DGKB: variants seen among roughly 807,000 people sequenced by gnomAD.
DGKB encodes the protein diacylglycerol kinase beta, also known as 90 kDa diacylglycerol kinase.
Under a neutral mutation model 114.3 loss-of-function variants are expected in DGKB, and 67 were observed. That is an observed-to-expected ratio of 0.59 (90% CI 0.48 to 0.72). DGKB has a LOEUF of 0.72. Ranked by LOEUF, DGKB falls within the 30% of genes least tolerant of loss-of-function variation. The pLI is 0.00. For missense variants in DGKB, 907 were observed against 975.2 expected, an observed-to-expected ratio of 0.93 and a Z score of 0.93; for synonymous variants, 398 against 323.1, an observed-to-expected ratio of 1.23 and a Z score of -2.49.
At chr7:14,553,237 T>C (rs979669252) in intron 20 of DGKB, among the ~76,000 whole-genome samples, 1 of 152,244 alleles carries the variant, frequency 6.6e-6, no homozygotes, top group Non-Finnish European at 1.5e-5. Context: ...CACTTTCCTT[T>C]ATAGTACCCT....
intron 23 of DGKB, among the ~76,000 whole-genome samples, chr7:14,323,204 T>C (rs1486476999): frequency 1.3e-5 from 2 of 152,168 alleles, no homozygotes; most frequent in Non-Finnish European, 2.9e-5. Context: ...AATCAATATA[T>C]GCCATATAAT....
At chr7:14,183,827 T>A (rs1474321012) in intron 23 of DGKB, among the ~76,000 whole-genome samples, 1 of 152,156 alleles carries the variant, frequency 6.6e-6, no homozygotes, top group Non-Finnish European at 1.5e-5. Context: ...AGATTGCAGC[T>A]CCAGACAGAG....
chr7:14,855,476 C>T (rs1381374222), intron 1 of DGKB, among the ~76,000 whole-genome samples: 2 of 152,046 alleles, frequency 1.3e-5, no homozygotes, highest in African/African-American at 4.8e-5. Flanking sequence ...TTTGCATTGA[C>T]CAACAGACAT....
chr7:14,495,803 A>C (rs1445060495), intron 20 of DGKB, among the ~76,000 whole-genome samples: 1 of 151,810 alleles, frequency 6.6e-6, no homozygotes, highest in Non-Finnish European at 1.5e-5. Context: ...TTCCCAAGAC[A>C]AAACGAAAAC....
At chr7:14,919,602 A>G (rs1057109759) in intron 1 of DGKB, among the ~76,000 whole-genome samples, 44 of 152,192 alleles carry the variant, frequency 2.9e-4, no homozygotes, top group African/African-American at 1.1e-3. Flanking sequence ...AAAGCAACCA[A>G]GGTGTTTTTC....
At chr7:14,372,539 C>T (rs1176827157) in intron 21 of DGKB, among the ~76,000 whole-genome samples, 1 of 152,026 alleles carries the variant, frequency 6.6e-6, no homozygotes, top group Non-Finnish European at 1.5e-5. Flanking sequence ...GGCAAAGTAC[C>T]ACCTTGATAA....
intron 1 of DGKB, among the ~76,000 whole-genome samples, chr7:14,959,139 G>A (rs1392048158): frequency 6.6e-6 from 1 of 151,702 alleles, no homozygotes; most frequent in Non-Finnish European, 1.5e-5. Context: ...TCTCATTTAG[G>A]AATATTGAAT....
intron 21 of DGKB, among the ~76,000 whole-genome samples, chr7:14,397,841 T>C (rs1822482872): frequency 6.6e-6 from 1 of 152,130 alleles, no homozygotes; most frequent in Non-Finnish European, 1.5e-5. Flanking sequence ...AGTATTTGGG[T>C]TTTCTCCTTT....
At chr7:14,886,551 A>G (rs1171250697) in intron 1 of DGKB, among the ~76,000 whole-genome samples, 2 of 151,928 alleles carry the variant, frequency 1.3e-5, no homozygotes, top group African/African-American at 2.4e-5. Context: ...TGACTTTTCT[A>G]CATCATTTCC....
chr7:14,420,902 C>T (rs2128763688), intron 21 of DGKB, among the ~76,000 whole-genome samples: 1 of 152,206 alleles, frequency 6.6e-6, no homozygotes, highest in Admixed American at 6.6e-5. Flanking sequence ...AACCCCACCT[C>T]TCCATGCCCA....
At chr7:14,663,347 G>A (rs1407899985) in intron 13 of DGKB, among the ~76,000 whole-genome samples, 1 of 151,944 alleles carries the variant, frequency 6.6e-6, no homozygotes, top group Non-Finnish European at 1.5e-5. Context: ...TTTATCAATA[G>A]ACTTAGTTCA....
chr7:14,805,401 C>T (rs981231205), intron 2 of DGKB, among the ~76,000 whole-genome samples: 14 of 151,944 alleles, frequency 9.2e-5, no homozygotes, highest in African/African-American at 3.4e-4. Flanking sequence ...ATATACTGTC[C>T]CAAGCAGCAG....
At chr7:14,648,005 G>T (rs553980606) in intron 13 of DGKB, among the ~76,000 whole-genome samples, 46 of 152,256 alleles carry the variant, frequency 3.0e-4, no homozygotes, top group Non-Finnish European at 5.3e-4. Context: ...CGCCCACGGA[G>T]TCTCGCTGAT....
At chr7:14,766,650 G>A (rs1286928044) in intron 2 of DGKB, among the ~76,000 whole-genome samples, 5 of 151,776 alleles carry the variant, frequency 3.3e-5, no homozygotes, top group Non-Finnish European at 7.4e-5. Context: ...GCTGAAGAAC[G>A]AAATTTGAGT....
Position 14,510,778 on chromosome 7 carries a change from A to G in DGKB, c.1771-32553T>C, listed in dbSNP as rs564301585. On this transcript the variant is annotated intron_variant, in intron 20 of 25. Transcript: ENST00000402815. ...TTCTTAAATAATAAGATGTGAAAGT[A>G]AAATTACTCCTTGATCCATGGCTTG... Among the ~76,000 whole-genome samples, 63 of 152,230 alleles carry G rather than the reference A, an allele frequency of 4.1e-4. 2 individuals carry two copies. The highest frequency in any genetic ancestry group is 2.0e-4 in the Admixed American group (3 of 15,276).
intron 17 of DGKB, among the ~76,000 whole-genome samples, chr7:14,592,151 G>C (rs918929570): frequency 6.6e-6 from 1 of 151,688 alleles, no homozygotes; most frequent in Admixed American, 6.6e-5. Flanking sequence ...TTGATACTTA[G>C]AGGAAATCAG....
intron 6 of DGKB, among the ~76,000 whole-genome samples, chr7:14,703,347 G>A (rs1002689421): frequency 6.6e-6 from 1 of 152,136 alleles, no homozygotes; most frequent in Non-Finnish European, 1.5e-5. Flanking sequence ...CTGATTTGTT[G>A]ACCTTAATGG....
At chr7:14,569,650 T>A (rs865823703) in intron 20 of DGKB, among the ~76,000 whole-genome samples, 2 of 152,172 alleles carry the variant, frequency 1.3e-5, no homozygotes, top group Admixed American at 6.5e-5. Flanking sequence ...AATTATCCAA[T>A]TCAATTGTAG....
At chr7:14,644,116 CAAA>C (rs35685758) in intron 13 of DGKB, among the ~76,000 whole-genome samples, 9 of 138,882 alleles carry the variant, frequency 6.5e-5, no homozygotes, top group Non-Finnish European at 6.3e-5. Flanking sequence ...TGATTACAGG[CAAA>C]AAAAAAAAAA....
Sources: allele counts gnomAD v4.1 joint callset (sites outside exome capture counted in the v4.1 genomes callset), GRCh38; gene constraint gnomAD v4.1.1; transcripts MANE v1.5; gene names NCBI Gene and HGNC (gene_info 2026-07-23, HGNC 2026-07-21).